CPNE2: variants seen among roughly 807,000 people sequenced by gnomAD.
The protein encoded by CPNE2 is copine 2.
A neutral mutation model predicts 69.7 loss-of-function variants in CPNE2; 42 were observed. The ratio of observed to expected loss-of-function variants is 0.60; its 90% confidence interval spans 0.47 to 0.78. The LOEUF (loss-of-function observed/expected upper bound fraction) is 0.78, where lower values mean the gene tolerates loss of function less well. Ranked by LOEUF, CPNE2 falls within the 30% of genes least tolerant of loss-of-function variation. CPNE2 has a pLI of 0.00. For synonymous variants in CPNE2, 294 were observed against 289.8 expected, an observed-to-expected ratio of 1.01 and a Z score of -0.15; for missense variants, 587 against 732.0, an observed-to-expected ratio of 0.80 and a Z score of 2.29.
chr16:57,100,061 C>A (rs2069603957), intron 1 of CPNE2, among the ~76,000 whole-genome samples: 1 of 152,130 alleles, frequency 6.6e-6, no homozygotes, highest in African/African-American at 2.4e-5. Context: ...GTGTGAGCCA[C>A]CATGCCCTGC....
chr16:57,145,126 T>C (rs1244218737), intron 14 of CPNE2, among the ~76,000 whole-genome samples: 1 of 152,096 alleles, frequency 6.6e-6, no homozygotes, highest in East Asian at 1.9e-4. Context: ...CTATATCCCA[T>C]TGTAAATGAA....
At chr16:57,115,351 G>A (rs1285238290) in intron 3 of CPNE2, 125 bp from the exon 4 acceptor site, 13 of 720,984 alleles carry the variant, frequency 1.8e-5, no homozygotes, top group Non-Finnish European at 2.6e-5. Context: ...GCTCAGGCGG[G>A]TCACCAGCCA....
intron 15 of CPNE2, 68 bp from the exon 16 acceptor site, chr16:57,147,483 C>T (rs146304121): frequency 4.8e-5 from 57 of 1,179,092 alleles, no homozygotes; most frequent in Middle Eastern, 2.0e-4. Flanking sequence ...GGCATAGTGC[C>T]GCTCACAACT....
In CPNE2 at chr16:57,117,495, G is replaced by T; in HGVS notation, c.436-1G>T. ...GAGCCCCTCATGTCCCGGCCTTACA[G>T]ATCGCTGCCCAGGAGCTGTCCGACA... is the stretch of plus-strand genomic sequence containing the variant. On this transcript the variant is annotated splice_acceptor_variant, in intron 4 of 15. Transcript: ENST00000290776. LOFTEE classifies it high-confidence loss of function. The T allele has an allele frequency of 6.2e-7, 1 of 1,613,334 alleles. No individual in the cohort carries two copies. Among genetic ancestry groups the T allele is most frequent in the East Asian group, 2.2e-5 (1 of 44,862 alleles).
intron 3 of CPNE2, among the ~76,000 whole-genome samples, chr16:57,113,862 G>A (rs80082084): frequency 6.6e-6 from 1 of 152,206 alleles, no homozygotes; most frequent in Non-Finnish European, 1.5e-5. Flanking sequence ...ATCCATCTCA[G>A]TCCTTGGTAA....
At chr16:57,121,522 A>T in intron 8 of CPNE2, 152 bp from the exon 9 acceptor site, 1 of 752,356 alleles carries the variant, frequency 1.3e-6, no homozygotes, top group Non-Finnish European at 2.3e-6. Context: ...TGATCCTGCT[A>T]CCATTTTTGG....
At chr16:57,120,477 TA>T (rs1245806530) in intron 7 of CPNE2, among the ~76,000 whole-genome samples, 1 of 150,156 alleles carries the variant, frequency 6.7e-6, no homozygotes, top group African/African-American at 2.5e-5. Flanking sequence ...ATCAAATAAA[TA>T]AAAAATAAAA....
chr16:57,115,888 T>A (rs147795790), intron 4 of CPNE2, among the ~76,000 whole-genome samples: 1 of 152,346 alleles, frequency 6.6e-6, no homozygotes, highest in East Asian at 1.9e-4. Context: ...GCGCAACGAC[T>A]CCCGCGATGC....
chr16:57,147,182 C>G (rs2069964686), intron 15 of CPNE2: 1 of 179,498 alleles, frequency 5.6e-6, no homozygotes, highest in Admixed American at 6.2e-5. Context: ...CTGTGGCTGG[C>G]TGTTCACTAG....
At chr16:57,111,888 TG>T (rs1203876125) in intron 2 of CPNE2, among the ~76,000 whole-genome samples, 1 of 152,224 alleles carries the variant, frequency 6.6e-6, no homozygotes, top group African/African-American at 2.4e-5. Context: ...GCTTTGCTTT[TG>T]CAAAAGGAAA....
chr16:57,121,578 A>G (rs1420191274), intron 8 of CPNE2, 96 bp from the exon 9 acceptor site: 1 of 1,212,272 alleles, frequency 8.2e-7, no homozygotes, highest in Admixed American at 1.9e-5. Context: ...TGCTGCCCCC[A>G]TTGTCAAGCC....
intron 13 of CPNE2, among the ~76,000 whole-genome samples, chr16:57,136,140 G>A (rs1426280376): frequency 6.6e-6 from 1 of 152,126 alleles, no homozygotes; most frequent in African/African-American, 2.4e-5. Flanking sequence ...GATGCAGGTG[G>A]GTATGGAAGA....
At chr16:57,097,471 G>C (rs1387816018) in intron 1 of CPNE2, among the ~76,000 whole-genome samples, 9 of 152,222 alleles carry the variant, frequency 5.9e-5, no homozygotes, top group African/African-American at 1.9e-4. Flanking sequence ...GATTACATCT[G>C]TGCACAACCC....
Position 57,123,483 on chromosome 16 carries a change from TC to T in CPNE2, c.927+14del. The T allele has an allele frequency of 1.2e-6, 2 of 1,612,760 alleles. No homozygotes were observed. The highest frequency in any genetic ancestry group is 1.7e-6 in the Non-Finnish European group (2 of 1,179,910). On this transcript the variant is annotated intron_variant, in intron 10 of 15. Transcript: ENST00000290776. ...CCAGCTCATGTTCACCGTAAGGCTC[TC>T]CCCGCTGGCTCCCTCTGCACCCCCA... is the stretch of plus-strand genomic sequence containing the variant.
intron 1 of CPNE2, among the ~76,000 whole-genome samples, chr16:57,095,667 G>A (rs2069574122): frequency 6.6e-6 from 1 of 152,152 alleles, no homozygotes; most frequent in Admixed American, 6.5e-5. Context: ...GTTTTGCTAT[G>A]TTGGTTAGGC....
chr16:57,140,645 A>G (rs902273934), intron 14 of CPNE2, among the ~76,000 whole-genome samples: 4 of 151,844 alleles, frequency 2.6e-5, no homozygotes, highest in African/African-American at 9.7e-5. Flanking sequence ...GCTCACTGCA[A>G]TCTTCACCTC....
chr16:57,121,685 G>C lies in CPNE2; in HGVS notation c.792G>C (p.Glu264Asp), dbSNP rs748386130. Residue 264 changes from glutamate to aspartate, a missense_variant, in exon 9 of 16, where the codon GAG becomes GAC. This residue lies in a region of CPNE2 where 269 missense variants were observed against 300.5 expected (regional missense o/e 0.90). Transcript: ENST00000290776. ...EARDSVPLEF[E>D]CINPKKQRKK... ...TTTGCGTTGCCCAGCTGGAGTTCGAGTGCATCAACCCCAAGAAGCAGAGGA... is the reference window on the plus strand; with the variant it reads ...TTTGCGTTGCCCAGCTGGAGTTCGACTGCATCAACCCCAAGAAGCAGAGGA... 6.2e-7 allele frequency: 1 copy of C among 1,614,146 alleles called. No individual in the cohort carries two copies. Among genetic ancestry groups the C allele is most frequent in the South Asian group, 1.1e-5 (1 of 91,090 alleles).
At position 57,146,598 on chromosome 16, in the gene CPNE2, A is replaced by G; in HGVS notation, c.1539+277A>G. ...GCTCTGGGGCAGGGCTTCCTGGAGG[A>G]CCTGCCCTCTAGTGGGGTCTGATGA... On this transcript the variant is annotated intron_variant, in intron 15 of 15. Coordinates refer to ENST00000290776, the MANE Select transcript of CPNE2 (RefSeq NM_152727.6). The surrounding 1 kb of genome is among the most constrained non-coding windows in gnomAD (Gnocchi z 4.4). The G allele has an allele frequency of 2.2e-6, 1 of 453,240 alleles. No individual in the cohort carries two copies. Among genetic ancestry groups the G allele is most frequent in the East Asian group, 4.4e-5 (1 of 22,776 alleles). The allele number at this position is 453,240 out of a possible 1,614,324, so 28.1% of individuals were successfully genotyped here. A position where few individuals can be genotyped will look rare whatever the true frequency, so the allele number is the denominator to read the frequency against.
chr16:57,097,714 C>G (rs1425116119), intron 1 of CPNE2, among the ~76,000 whole-genome samples: 1 of 152,186 alleles, frequency 6.6e-6, no homozygotes, highest in Non-Finnish European at 1.5e-5. Context: ...ACCTCACATC[C>G]TCCACCTCCC....
Sources: gnomAD v4.1 joint callset for allele counts (sites outside exome capture counted in the v4.1 genomes callset) on GRCh38, gnomAD v4.1.1 for gene constraint, gnomAD v4.1.1 regional missense constraint, Gnocchi (gnomAD v3.1) non-coding constraint, MANE v1.5 for transcripts, NCBI Gene and HGNC (gene_info 2026-07-23, HGNC 2026-07-21) for gene names.